AK9: variants seen among roughly 807,000 people sequenced by gnomAD.
AK9 encodes the protein adenylate kinase 9.
AK9 carries 191 observed loss-of-function variants against 239.6 expected under a neutral mutation model. The observed-to-expected ratio is 0.80, with a 90% CI of 0.71 to 0.90. The LOEUF is 0.90. Ranked by LOEUF, AK9 falls within the 40% of genes least tolerant of loss-of-function variation. The pLI, the probability that AK9 is intolerant of heterozygous loss-of-function variation, is 0.00. For synonymous variants in AK9, 689 were observed against 721.0 expected (o/e 0.96, Z 0.71); for missense variants, 1,995 against 2,214.7 (o/e 0.90, Z 1.99).
chr6:109,513,003 A>G (rs1562334202), intron 32 of AK9, among the ~76,000 whole-genome samples: 1 of 152,104 alleles, frequency 6.6e-6, no homozygotes, highest in African/African-American at 2.4e-5. Flanking sequence ...AGTTGGGACT[A>G]CAGGCATGTG....
chr6:109,633,087 A>C lies in AK9; in HGVS notation c.1090T>G (p.Tyr364Asp). Residue 364 changes from tyrosine to aspartate, a missense_variant, in exon 12 of 41, where the codon TAC becomes GAC. Transcript: ENST00000424296. ...AATGCTTCTTCTGATGAAAGACAGTAGATTTTACCTAGAAAACTTAAAATA... is the reference window on the plus strand; with the variant it reads ...AATGCTTCTTCTGATGAAAGACAGTCGATTTTACCTAGAAAACTTAAAATA... Reference protein sequence around the residue: ...DYSVSFLGKIYCLSSEEALKP... With the variant: ...DYSVSFLGKIDCLSSEEALKP... 6.5e-7 allele frequency: 1 copy of C among 1,547,808 alleles called. No individual in the cohort carries two copies.
At chr6:109,624,043 T>C (rs1795213906) in intron 12 of AK9, among the ~76,000 whole-genome samples, 1 of 152,084 alleles carries the variant, frequency 6.6e-6, no homozygotes, top group South Asian at 2.1e-4. Flanking sequence ...TTTCTGTTCC[T>C]GCAGGTTTTT....
intron 31 of AK9, among the ~76,000 whole-genome samples, chr6:109,514,736 G>A (rs1779100445): frequency 6.6e-6 from 1 of 152,126 alleles, no homozygotes; most frequent in South Asian, 2.1e-4. Flanking sequence ...AACAGCCTAA[G>A]GTTGTTTGCA....
At chr6:109,621,947 A>AAAAAAC (rs1794902345) in intron 12 of AK9, among the ~76,000 whole-genome samples, 1 of 131,804 alleles carries the variant, frequency 7.6e-6, no homozygotes, top group Non-Finnish European at 1.6e-5. Context: ...TCCAGAGCAA[A>AAAAAAC]AAAAACAAAA....
intron 7 of AK9, 148 bp from the exon 8 acceptor site, chr6:109,657,032 G>A: frequency 1.2e-6 from 1 of 865,266 alleles, no homozygotes; most frequent in Non-Finnish European, 1.8e-6. Context: ...TTTTATTTAA[G>A]AGAATGGAAG....
At chr6:109,593,929 G>A (rs1790640226) in intron 17 of AK9, among the ~76,000 whole-genome samples, 1 of 152,140 alleles carries the variant, frequency 6.6e-6, no homozygotes, top group Admixed American at 6.5e-5. Flanking sequence ...GCAAAAGCTG[G>A]AAGCATTCCC....
intron 29 of AK9, among the ~76,000 whole-genome samples, chr6:109,522,801 A>T (rs1003131679): frequency 3.3e-5 from 5 of 152,134 alleles, no homozygotes; most frequent in African/African-American, 1.2e-4. Flanking sequence ...GATTAAATTG[A>T]TTAGTTCAGA....
chr6:109,569,555 T>C (rs1413362169), intron 21 of AK9, among the ~76,000 whole-genome samples: 2 of 152,054 alleles, frequency 1.3e-5, no homozygotes, highest in African/African-American at 4.8e-5. Flanking sequence ...GTATCCAGAA[T>C]CCACAAAGAA....
At chr6:109,640,009 C>T (rs1051717988) in intron 10 of AK9, among the ~76,000 whole-genome samples, 2 of 152,158 alleles carry the variant, frequency 1.3e-5, no homozygotes, top group African/African-American at 4.8e-5. Flanking sequence ...TTGATCTTAT[C>T]TCTGTTTGGG....
intron 38 of AK9, among the ~76,000 whole-genome samples, chr6:109,495,802 T>C (rs1776972648): frequency 6.6e-6 from 1 of 152,094 alleles, no homozygotes; most frequent in Admixed American, 6.5e-5. Flanking sequence ...AGCTACCCAC[T>C]TGTTCTCTTC....
intron 24 of AK9, among the ~76,000 whole-genome samples, chr6:109,554,348 C>T (rs539995123): frequency 6.6e-5 from 10 of 152,152 alleles, no homozygotes; most frequent in African/African-American, 2.4e-4. Flanking sequence ...GGTTGGTAGG[C>T]TATTAATTAC....
chr6:109,568,530 C>T (rs1437608776), intron 21 of AK9, among the ~76,000 whole-genome samples: 1 of 152,104 alleles, frequency 6.6e-6, no homozygotes, highest in East Asian at 1.9e-4. Context: ...TTAGAAAACC[C>T]CATCGTCTCA....
intron 10 of AK9, among the ~76,000 whole-genome samples, chr6:109,638,023 C>T (rs893954478): frequency 1.3e-5 from 2 of 152,094 alleles, no homozygotes; most frequent in African/African-American, 4.8e-5. Flanking sequence ...TCTGGACTGC[C>T]AGGTAGAAAT....
chr6:109,662,580 G>A lies in AK9; in HGVS notation c.415C>T (p.Leu139=), dbSNP rs1800576781. The change falls in exon 6 of 41, where the codon CTG becomes TTG. Residue 139 remains leucine, a synonymous_variant. Transcript: ENST00000424296. Reference sequence around the variant, plus strand: ...ATATTGATTATAACATCAGGTTTCAGGTTTAAGTTTTTAATTAATTCTATT... The same window carrying A: ...ATATTGATTATAACATCAGGTTTCAAGTTTAAGTTTTTAATTAATTCTATT... ...QQIELIKNLN[L]KPDVIINIKC... is the part of the protein sequence containing the mutation. 6.4e-7 allele frequency: 1 copy of A among 1,574,010 alleles called. No individual in the cohort carries two copies. Among genetic ancestry groups the A allele is most frequent in the African/African-American group, 1.4e-5 (1 of 73,128 alleles).
Position 109,659,415 on chromosome 6 carries a change from T to C in AK9, c.445-2A>G. On this transcript the variant is annotated splice_acceptor_variant, in intron 6 of 40. Transcript: ENST00000424296. LOFTEE classifies it high-confidence loss of function. ...CTGGCACAAATCATAGTCAGGACACTAAGAAACAACATTATTAAATCACTT... is the reference window on the plus strand; with the variant it reads ...CTGGCACAAATCATAGTCAGGACACCAAGAAACAACATTATTAAATCACTT... 1 of 1,589,226 alleles carries C rather than the reference T, an allele frequency of 6.3e-7. No homozygotes were observed. The highest frequency in any genetic ancestry group is 8.6e-7 in the Non-Finnish European group (1 of 1,167,504).
intron 24 of AK9, among the ~76,000 whole-genome samples, chr6:109,560,061 T>C (rs2128178371): frequency 6.6e-6 from 1 of 152,342 alleles, no homozygotes; most frequent in African/African-American, 2.4e-5. Flanking sequence ...GGATAATCCA[T>C]GATAACTCCC....
chr6:109,647,631 A>T (rs1229905896), intron 8 of AK9, among the ~76,000 whole-genome samples: 1 of 152,188 alleles, frequency 6.6e-6, no homozygotes, highest in African/African-American at 2.4e-5. Context: ...CTCCCACACA[A>T]TAATAATGGG....
intron 33 of AK9, among the ~76,000 whole-genome samples, chr6:109,508,134 T>C (rs1778305170): frequency 6.6e-6 from 1 of 152,230 alleles, no homozygotes; most frequent in African/African-American, 2.4e-5. Flanking sequence ...GTTTTTCTTT[T>C]ATAACAGCTG....
At chr6:109,540,204 G>A (rs933698888) in intron 27 of AK9, among the ~76,000 whole-genome samples, 1 of 152,204 alleles carries the variant, frequency 6.6e-6, no homozygotes. Context: ...CCCAGAGGTG[G>A]AGTCTACAGA....
Sources: gnomAD v4.1 joint callset for allele counts (sites outside exome capture counted in the v4.1 genomes callset) on GRCh38, gnomAD v4.1.1 for gene constraint, MANE v1.5 for transcripts, NCBI Gene and HGNC (gene_info 2026-07-23, HGNC 2026-07-21) for gene names.